CREBL2: variants seen among roughly 807,000 people sequenced by gnomAD.
CREBL2 encodes cAMP-responsive element-binding protein-like 2.
CREBL2 carries 4 observed loss-of-function variants against 19.5 expected under a neutral mutation model. That is an observed-to-expected ratio of 0.20 (90% CI 0.10 to 0.47). The LOEUF (loss-of-function observed/expected upper bound fraction) is 0.47, where lower values mean the gene tolerates loss of function less well. Among genes scored for constraint, CREBL2 ranks in the 20% least tolerant of loss-of-function variants. The pLI is 0.98. For missense variants in CREBL2, 85 were observed against 145.1 expected, an observed-to-expected ratio of 0.59 and a Z score of 2.13; for synonymous variants, 42 against 46.6, an observed-to-expected ratio of 0.90 and a Z score of 0.40.
chr12:12,612,669 G>A (rs873218), intron 1 of CREBL2, among the ~76,000 whole-genome samples: 66,885 of 151,734 alleles, frequency 0.44, 16,617 homozygotes, highest in Non-Finnish European at 0.56. Flanking sequence ...ACACCGCTAA[G>A]CTCCTGTTGC....
intron 1 of CREBL2, among the ~76,000 whole-genome samples, chr12:12,613,705 A>G (rs1945285245): frequency 6.6e-6 from 1 of 152,194 alleles, no homozygotes; most frequent in African/African-American, 2.4e-5. Context: ...CTATCAGCTC[A>G]TAAGAGTGCT....
At chr12:12,636,634 G>A (rs1416600987) in intron 2 of CREBL2, among the ~76,000 whole-genome samples, 1 of 152,138 alleles carries the variant, frequency 6.6e-6, no homozygotes, top group South Asian at 2.1e-4. Context: ...CATTAGTCAG[G>A]ATGGTCTCAA....
intron 1 of CREBL2, among the ~76,000 whole-genome samples, chr12:12,626,300 T>C (rs920838963): frequency 6.6e-6 from 1 of 152,252 alleles, no homozygotes. Flanking sequence ...CTCAGGCCTT[T>C]GCAGACTGAT....
chr12:12,620,477 G>A (rs551182108), intron 1 of CREBL2, among the ~76,000 whole-genome samples: 11 of 152,138 alleles, frequency 7.2e-5, no homozygotes, highest in Admixed American at 3.9e-4. Flanking sequence ...CAATCTGCCC[G>A]CCTCTGCCTC....
chr12:12,612,568 C>G (rs765406613), intron 1 of CREBL2, among the ~76,000 whole-genome samples: 12 of 152,098 alleles, frequency 7.9e-5, no homozygotes, highest in African/African-American at 1.2e-4. Flanking sequence ...TTCCCCTTGA[C>G]GATTCCCCTT....
chr12:12,626,429 T>C (rs1945402365), intron 1 of CREBL2, among the ~76,000 whole-genome samples: 1 of 152,206 alleles, frequency 6.6e-6, no homozygotes, highest in Non-Finnish European at 1.5e-5. Flanking sequence ...AACCTTATGC[T>C]TGACCCCTCC....
chr12:12,625,147 T>C (rs1945391684), intron 1 of CREBL2, among the ~76,000 whole-genome samples: 1 of 152,140 alleles, frequency 6.6e-6, no homozygotes, highest in South Asian at 2.1e-4. Flanking sequence ...AAGGCAACAT[T>C]CGAGTGGGAA....
intron 1 of CREBL2, among the ~76,000 whole-genome samples, chr12:12,632,139 G>A (rs191251055): frequency 0.053 from 7,366 of 139,894 alleles, 322 homozygotes; most frequent in Admixed American, 0.15. Context: ...GTGCAGTGGC[G>A]GGATCTCGGC....
chr12:12,634,949 G>A (rs1413150892), intron 1 of CREBL2, among the ~76,000 whole-genome samples: 4 of 151,738 alleles, frequency 2.6e-5, no homozygotes, highest in Admixed American at 6.6e-5. Context: ...TGTAGACCCA[G>A]CTACTAGGGA....
At chr12:12,626,068 C>T (rs1000996650) in intron 1 of CREBL2, among the ~76,000 whole-genome samples, 1 of 152,148 alleles carries the variant, frequency 6.6e-6, no homozygotes, top group African/African-American at 2.4e-5. Flanking sequence ...TGACCACACA[C>T]CCTGGTTTAG....
intron 1 of CREBL2, among the ~76,000 whole-genome samples, chr12:12,628,875 A>G (rs1945421856): frequency 6.6e-6 from 1 of 152,204 alleles, no homozygotes; most frequent in Non-Finnish European, 1.5e-5. Flanking sequence ...TATTGAAGAG[A>G]CTATTCTTTC....
intron 1 of CREBL2, among the ~76,000 whole-genome samples, chr12:12,629,877 T>C (rs889735984): frequency 1.3e-5 from 2 of 152,188 alleles, no homozygotes; most frequent in Non-Finnish European, 2.9e-5. Context: ...ATGCAAGTTT[T>C]GTCCTTTTTT....
Position 12,637,614 on chromosome 12 carries a change from T to A in CREBL2, c.258T>A (p.Ser86=), listed in dbSNP as rs778891530. Reference sequence around the variant, plus strand: ...CAATGGACCAAGGAAAAATCCCTTCTGAAATAAAGGCCCTACTCACTGGAG... The same window carrying A: ...CAATGGACCAAGGAAAAATCCCTTCAGAAATAAAGGCCCTACTCACTGGAG... The part of the protein sequence containing the change: ...CMAMDQGKIP[S]EIKALLTGEE... The change falls in exon 3 of 4, where the codon TCT becomes TCA. Residue 86 remains serine (S), a synonymous_variant. Coordinates refer to ENST00000228865, the MANE Select transcript of CREBL2 (RefSeq NM_001310.4). 8.1e-6 allele frequency: 13 copies of A among 1,610,106 alleles called. No homozygotes were observed. Among genetic ancestry groups the A allele is most frequent in the Non-Finnish European group, 1.1e-5 (13 of 1,177,476 alleles).
chr12:12,620,410 A>AT (rs900173346), intron 1 of CREBL2, among the ~76,000 whole-genome samples: 2 of 151,814 alleles, frequency 1.3e-5, no homozygotes, highest in African/African-American at 2.4e-5. Context: ...ATTTAAAAAT[A>AT]TTTTTTGTAG....
rs1945548863 is a variant in CREBL2, at chr12:12,644,380, A to C, written c.*2382A>C. On this transcript the variant is annotated 3_prime_UTR_variant, in exon 4 of 4. Coordinates refer to ENST00000228865, the MANE Select transcript of CREBL2 (RefSeq NM_001310.4). ...GCATAGTGAAATCCTGGCACCCCTC[A>C]CCTTTTTGTGATGACAAGATGGCTG... 1 of 152,156 alleles carries C rather than the reference A, an allele frequency of 6.6e-6. No homozygotes were observed. Among genetic ancestry groups the C allele is most frequent in the Admixed American group, 6.6e-5 (1 of 15,248 alleles). The allele number at this position is 152,156 out of a possible 1,614,324, so 9.4% of individuals were successfully genotyped here.
At chr12:12,636,067 AG>A (rs934920942) in intron 2 of CREBL2, 93 bp downstream of exon 2, 2 of 1,189,976 alleles carry the variant, frequency 1.7e-6, no homozygotes, top group African/African-American at 3.1e-5. Flanking sequence ...TCACCTGTCC[AG>A]TTGGCAAACA....
chr12:12,627,478 A>G (rs1231220013), intron 1 of CREBL2, among the ~76,000 whole-genome samples: 1 of 152,188 alleles, frequency 6.6e-6, no homozygotes, highest in Non-Finnish European at 1.5e-5. Context: ...GAATAATACA[A>G]TATGTGGCCT....
rs1945548779 is a variant in CREBL2, at chr12:12,644,366, T to C, written c.*2368T>C. On this transcript the variant is annotated 3_prime_UTR_variant, in exon 4 of 4. Transcript: ENST00000228865. ...CCAGTGAAGGAGCAGCATAGTGAAA[T>C]CCTGGCACCCCTCACCTTTTTGTGA... The C allele has an allele frequency of 6.6e-6, 1 of 152,248 alleles. No individual in the cohort carries two copies. The highest frequency in any genetic ancestry group is 1.5e-5 in the Non-Finnish European group (1 of 68,026). The allele number at this position is 152,248 out of a possible 1,614,324, so 9.4% of individuals were successfully genotyped here.
intron 1 of CREBL2, among the ~76,000 whole-genome samples, chr12:12,626,871 T>TAAA (rs1157705227): frequency 2.4e-5 from 3 of 124,836 alleles, no homozygotes; most frequent in Admixed American, 8.3e-5. Flanking sequence ...CCCTGTTTCT[T>TAAA]AAAAAAAAAA....
Sources: allele counts gnomAD v4.1 joint callset (sites outside exome capture counted in the v4.1 genomes callset), GRCh38; gene constraint gnomAD v4.1.1; transcripts MANE v1.5; gene names NCBI Gene and HGNC (gene_info 2026-07-23, HGNC 2026-07-21).